Variants in CTBP1 observed in about 807,000 individuals in gnomAD.
The protein encoded by CTBP1 is C-terminal binding protein 1.
Under a neutral mutation model 42.1 loss-of-function variants are expected in CTBP1, and 11 were observed. The ratio of observed to expected loss-of-function variants is 0.26; its 90% CI spans 0.16 to 0.43. The LOEUF (loss-of-function observed/expected upper bound fraction) is 0.43. Ranked by LOEUF, CTBP1 falls within the 20% of genes least tolerant of loss-of-function variation. CTBP1 has a pLI of 1.00. For missense variants in CTBP1, 399 were observed against 624.3 expected, an observed-to-expected ratio of 0.64 and a Z score of 3.85; for synonymous variants, 324 against 277.1, an observed-to-expected ratio of 1.17 and a Z score of -1.68.
intron 3 of CTBP1, chr4:1,237,856 C>T (rs1241997369): frequency 1.4e-5 from 10 of 699,498 alleles, no homozygotes; most frequent in Non-Finnish European, 2.6e-5. Context: ...AACCCCGTGT[C>T]CACCTCCTGA....
chr4:1,248,676 G>A (rs1420169653), intron 1 of CTBP1: 3 of 983,358 alleles, frequency 3.1e-6, no homozygotes, highest in East Asian at 1.1e-4. Context: ...CGGGCCGCGG[G>A]CGGGGAGAGC....
intron 1 of CTBP1, chr4:1,244,535 C>T (rs1460832187): frequency 1.0e-6 from 1 of 985,218 alleles, no homozygotes; most frequent in Non-Finnish European, 1.2e-6. Flanking sequence ...CCAACCGGTC[C>T]GCTCCCCTCC....
chr4:1,231,105 T>A (rs1300812904), intron 3 of CTBP1: 1 of 152,270 alleles, frequency 6.6e-6, no homozygotes, highest in Admixed American at 6.5e-5. Flanking sequence ...CTCCACCACG[T>A]ACCAGGTTGG....
At chr4:1,223,970 G>C (rs1316811594) in intron 5 of CTBP1, among the ~76,000 whole-genome samples, 1 of 152,212 alleles carries the variant, frequency 6.6e-6, no homozygotes, top group African/African-American at 2.4e-5. Flanking sequence ...TGAAGAGCGA[G>C]GGGTCGCTGA....
At chr4:1,216,404 C>G in intron 5 of CTBP1, 199 bp from the exon 6 acceptor site, 1 of 612,772 alleles carries the variant, frequency 1.6e-6, no homozygotes. Context: ...ACTGCCAAGG[C>G]GGAGGAGATG....
At chr4:1,246,557 C>T (rs1732742807) in intron 1 of CTBP1, among the ~76,000 whole-genome samples, 1 of 152,228 alleles carries the variant, frequency 6.6e-6, no homozygotes, top group Admixed American at 6.5e-5. Context: ...GCACAAAGTG[C>T]TGCCTGAAGA....
At chr4:1,247,428 G>A (rs1302357395) in intron 1 of CTBP1, among the ~76,000 whole-genome samples, 1 of 152,050 alleles carries the variant, frequency 6.6e-6, no homozygotes, top group African/African-American at 2.4e-5. Flanking sequence ...GCCAAACCCA[G>A]ACCCCAGAGG....
In CTBP1 at chr4:1,211,879, A is replaced by C. The variant is rs1045480; in HGVS notation, c.*361T>G. ...GTTCCAACATACAAAAAAAAAAAAAACAAAAAAAAAAACCTCAAATTGACT... is the reference window on the plus strand; with the variant it reads ...GTTCCAACATACAAAAAAAAAAAAACCAAAAAAAAAAACCTCAAATTGACT... On this transcript the variant is annotated 3_prime_UTR_variant, in exon 10 of 10. Coordinates refer to ENST00000382952, the MANE Select transcript of CTBP1 (RefSeq NM_001012614.2). 74,860 of 158,706 alleles carry C rather than the reference A, an allele frequency of 0.47. 18,018 individuals are homozygous for C. The highest frequency in any genetic ancestry group is 0.59 in the South Asian group (2,837 of 4,832). The allele number at this position is 158,706 out of a possible 1,614,324, so 9.8% of individuals were successfully genotyped here.
chr4:1,226,643 G>C (rs1248463333), intron 4 of CTBP1, among the ~76,000 whole-genome samples: 1 of 151,082 alleles, frequency 6.6e-6, no homozygotes, highest in South Asian at 2.1e-4. Context: ...ACAGAGCCCA[G>C]GCCTGGGAAA....
intron 4 of CTBP1, 32 bp downstream of exon 4, chr4:1,228,167 T>C (rs1289992748): frequency 1.9e-6 from 3 of 1,610,718 alleles, no homozygotes; most frequent in East Asian, 2.2e-5. Context: ...CTTGCATGAA[T>C]GGGCACAGGA....
intron 4 of CTBP1, among the ~76,000 whole-genome samples, chr4:1,227,629 A>T (rs1257622660): frequency 1.4e-5 from 2 of 140,906 alleles, no homozygotes; most frequent in African/African-American, 2.7e-5. Flanking sequence ...AGTGTGCAAG[A>T]TCCGTGTGCT....
At chr4:1,248,458 C>G (rs1226405251) in intron 1 of CTBP1, among the ~76,000 whole-genome samples, 1 of 150,288 alleles carries the variant, frequency 6.7e-6, no homozygotes, top group Non-Finnish European at 1.5e-5. Context: ...GGCCCGGGAG[C>G]GCGCGCCCCA....
At chr4:1,237,346 G>A (rs1006104398) in intron 3 of CTBP1, 14 of 676,122 alleles carry the variant, frequency 2.1e-5, no homozygotes, top group African/African-American at 3.6e-5. Flanking sequence ...TCCTGATGGG[G>A]CTCAGGGAAA....
At chr4:1,245,298 T>C in intron 1 of CTBP1, 1 of 985,416 alleles carries the variant, frequency 1.0e-6, no homozygotes. Flanking sequence ...CTCCAGGACA[T>C]CCGTGGAGCC....
chr4:1,223,589 G>A (rs1443381073), intron 5 of CTBP1: 1 of 430,238 alleles, frequency 2.3e-6, no homozygotes, highest in East Asian at 7.1e-5. Flanking sequence ...TCCCCATGGG[G>A]CCTCCTGAGG....
chr4:1,223,610 C>G (rs1397927847), intron 5 of CTBP1: 1 of 407,912 alleles, frequency 2.5e-6, no homozygotes, highest in East Asian at 7.2e-5. Flanking sequence ...AACCCGCGAT[C>G]TGGGGAGACA....
At chr4:1,221,112 A>G (rs1422271341) in intron 5 of CTBP1, among the ~76,000 whole-genome samples, 1 of 152,274 alleles carries the variant, frequency 6.6e-6, no homozygotes, top group African/African-American at 2.4e-5. Flanking sequence ...TCGATCTGAC[A>G]AGAACCTGAC....
intron 1 of CTBP1, chr4:1,245,072 G>A: frequency 1.0e-6 from 1 of 983,922 alleles, no homozygotes; most frequent in South Asian, 4.7e-5. Flanking sequence ...GACAGACAAG[G>A]CCCGTCACCC....
In CTBP1 at chr4:1,226,538, G is replaced by A. The variant is rs114854368; in HGVS notation, c.308-972C>T. On this transcript the variant is annotated intron_variant, in intron 4 of 9. Coordinates refer to ENST00000382952, the MANE Select transcript of CTBP1 (RefSeq NM_001012614.2). ...AAAATGTTAAACAAGGGAGACTGAGGGAGAGCCAAGCCAGGCGCCACACGA... is the reference window on the plus strand; with the variant it reads ...AAAATGTTAAACAAGGGAGACTGAGAGAGAGCCAAGCCAGGCGCCACACGA... Among the ~76,000 whole-genome samples, 814 of 150,534 alleles carry A rather than the reference G, an allele frequency of 5.4e-3. 6 individuals are homozygous for A. Among genetic ancestry groups the A allele is most frequent in the African/African-American group, 0.019 (762 of 40,832 alleles).
Sources: allele counts gnomAD v4.1 joint callset (sites outside exome capture counted in the v4.1 genomes callset), GRCh38; gene constraint gnomAD v4.1.1; transcripts MANE v1.5; gene names NCBI Gene and HGNC (gene_info 2026-07-23, HGNC 2026-07-21).